SLC10A7: variants seen among roughly 807,000 people sequenced by gnomAD.
SLC10A7 encodes the protein solute carrier family 10 member 7.
A neutral mutation model predicts 43.2 loss-of-function variants in SLC10A7; 29 were observed. The ratio of observed to expected loss-of-function variants is 0.67; its 90% confidence interval spans 0.50 to 0.92. SLC10A7 has a LOEUF of 0.92. Ranked by LOEUF, SLC10A7 falls within the 40% of genes least tolerant of loss-of-function variation. SLC10A7 has a pLI of 0.00. For synonymous variants in SLC10A7, 152 were observed against 144.8 expected, an observed-to-expected ratio of 1.05 and a Z score of -0.35; for missense variants, 295 against 403.2, an observed-to-expected ratio of 0.73 and a Z score of 2.30.
At chr4:146,386,624 C>A (rs1738017392) in intron 5 of SLC10A7, among the ~76,000 whole-genome samples, 1 of 152,172 alleles carries the variant, frequency 6.6e-6, no homozygotes, top group Admixed American at 6.6e-5. Flanking sequence ...CTAATGAACT[C>A]TCAGCACTTT....
intron 7 of SLC10A7, among the ~76,000 whole-genome samples, chr4:146,301,686 A>T (rs1731170248): frequency 6.6e-6 from 1 of 152,114 alleles, no homozygotes; most frequent in Non-Finnish European, 1.5e-5. Flanking sequence ...TGAGGCAGAA[A>T]CGGTAGGATG....
At position 146,255,624 on chromosome 4, in the gene SLC10A7, G is replaced by A. The variant is rs1325936046; in HGVS notation, c.*867C>T. 6.6e-6 allele frequency: 1 copy of A among 152,228 alleles called. No homozygotes were observed. The highest frequency in any genetic ancestry group is 2.4e-5 in the African/African-American group (1 of 41,438). 9.4% of individuals were successfully genotyped at this position (152,228 alleles called of 1,614,324 possible). ...CGTAATAGGAAAAAAATTTGGTCTG[G>A]GTTGTGGAATGTGAATAGAATCTAC... On this transcript the variant is annotated 3_prime_UTR_variant, in exon 12 of 12. Coordinates refer to ENST00000335472, the MANE Select transcript of SLC10A7 (RefSeq NM_001029998.6).
In SLC10A7 at chr4:146,342,779, G is replaced by A. The variant is rs546347646; in HGVS notation, c.436-16783C>T. On this transcript the variant is annotated intron_variant, in intron 5 of 11. Transcript: ENST00000335472. ...AAAATATTATGCAAAATAAAATACA[G>A]GGCACTAGGTGGTGCTGTGGGACCT... is the stretch of plus-strand genomic sequence containing the variant. Among the ~76,000 whole-genome samples the A allele has an allele frequency of 2.7e-3, 407 of 151,752 alleles. 1 individual carries two copies. The highest frequency in any genetic ancestry group is 9.2e-3 in the African/African-American group (381 of 41,458).
chr4:146,328,916 T>C (rs1733344852), intron 5 of SLC10A7, among the ~76,000 whole-genome samples: 1 of 152,138 alleles, frequency 6.6e-6, no homozygotes, highest in Non-Finnish European at 1.5e-5. Flanking sequence ...CAAGAAAACA[T>C]GACACCTTCA....
chr4:146,359,464 G>C (rs1735893146), intron 5 of SLC10A7, among the ~76,000 whole-genome samples: 5 of 151,658 alleles, frequency 3.3e-5, no homozygotes, highest in Admixed American at 2.6e-4. Flanking sequence ...TTTTTTTCTA[G>C]TGTACTGAAT....
chr4:146,468,453 T>C (rs1733246732), intron 4 of SLC10A7, among the ~76,000 whole-genome samples: 1 of 148,380 alleles, frequency 6.7e-6, no homozygotes, highest in Admixed American at 7.0e-5. Context: ...ATTTATTTAT[T>C]TATTCTAACT....
chr4:146,491,779 CAG>C (rs1735466390), intron 4 of SLC10A7, among the ~76,000 whole-genome samples: 1 of 151,628 alleles, frequency 6.6e-6, no homozygotes, highest in Non-Finnish European at 1.5e-5. Context: ...CCTGCAAGGC[CAG>C]TATCTTGGCA....
intron 6 of SLC10A7, among the ~76,000 whole-genome samples, chr4:146,324,204 C>T (rs1302536007): frequency 6.6e-6 from 1 of 152,172 alleles, no homozygotes; most frequent in Non-Finnish European, 1.5e-5. Context: ...ACATTCCATG[C>T]TCATGGATAG....
chr4:146,449,301 G>A (rs1731370602), intron 4 of SLC10A7, among the ~76,000 whole-genome samples: 1 of 152,140 alleles, frequency 6.6e-6, no homozygotes, highest in African/African-American at 2.4e-5. Flanking sequence ...GAGACAGTAA[G>A]CAGTTGGACA....
At chr4:146,296,482 G>T (rs1361411026) in intron 7 of SLC10A7, among the ~76,000 whole-genome samples, 1 of 152,038 alleles carries the variant, frequency 6.6e-6, no homozygotes, top group Non-Finnish European at 1.5e-5. Context: ...GGTCTCCCAG[G>T]TCCACAATCC....
chr4:146,386,426 C>T (rs1738001414), intron 5 of SLC10A7, among the ~76,000 whole-genome samples: 1 of 152,174 alleles, frequency 6.6e-6, no homozygotes, highest in Non-Finnish European at 1.5e-5. Context: ...TACCTGCACT[C>T]ACCAATTACC....
intron 6 of SLC10A7, 148 bp downstream of exon 6, chr4:146,325,813 T>C: frequency 1.4e-6 from 1 of 718,756 alleles, no homozygotes; most frequent in South Asian, 1.8e-5. Context: ...CGTATCTGAA[T>C]ATTATTATGC....
At chr4:146,489,133 G>A (rs967069244) in intron 4 of SLC10A7, among the ~76,000 whole-genome samples, 2 of 152,214 alleles carry the variant, frequency 1.3e-5, no homozygotes, top group Non-Finnish European at 2.9e-5. Context: ...AAAGCTTCCT[G>A]AAAGGAGGCT....
intron 5 of SLC10A7, among the ~76,000 whole-genome samples, chr4:146,376,658 T>C (rs1277230998): frequency 6.6e-6 from 1 of 152,172 alleles, no homozygotes; most frequent in Non-Finnish European, 1.5e-5. Context: ...TTGTTTGAAA[T>C]GCTTGTTCCC....
intron 2 of SLC10A7, among the ~76,000 whole-genome samples, chr4:146,511,076 T>A (rs1025835687): frequency 1.3e-5 from 2 of 152,184 alleles, no homozygotes; most frequent in African/African-American, 4.8e-5. Context: ...AGTTGAGGGC[T>A]ACTATATGGT....
chr4:146,502,079 T>A (rs979141584), intron 4 of SLC10A7, among the ~76,000 whole-genome samples: 3 of 152,130 alleles, frequency 2.0e-5, no homozygotes, highest in Non-Finnish European at 4.4e-5. Context: ...CCCAATTTTT[T>A]AAAAAATGAG....
intron 4 of SLC10A7, among the ~76,000 whole-genome samples, chr4:146,498,689 T>C (rs1243612942): frequency 1.3e-5 from 2 of 152,246 alleles, no homozygotes; most frequent in Non-Finnish European, 2.9e-5. Context: ...ATCATTTGTT[T>C]ACCTGAGAAA....
chr4:146,521,042 C>A (rs1738584889), intron 1 of SLC10A7, among the ~76,000 whole-genome samples: 1 of 152,036 alleles, frequency 6.6e-6, no homozygotes, highest in Admixed American at 6.6e-5. Flanking sequence ...CGGCAGCACA[C>A]GGAAGTATGC....
rs547092888 is a variant in SLC10A7 at position 146,511,160 on chromosome 4, A to G, written c.184-1111T>C. On this transcript the variant is annotated intron_variant, in intron 2 of 11. Coordinates refer to ENST00000335472, the MANE Select transcript of SLC10A7 (RefSeq NM_001029998.6). Reference sequence around the variant, plus strand: ...TCTCCCACTGCTGCCCCAAGAGGGGAAAAAAAAATGCACATTAAACATAAG... The same window carrying G: ...TCTCCCACTGCTGCCCCAAGAGGGGGAAAAAAAATGCACATTAAACATAAG... Among the ~76,000 whole-genome samples the G allele has an allele frequency of 1.5e-4, 23 of 151,416 alleles. No homozygotes were observed. In the East Asian group the frequency reaches 2.3e-3, roughly 15 times the overall value.
Sources: gnomAD v4.1 joint callset for allele counts (sites outside exome capture counted in the v4.1 genomes callset) on GRCh38, gnomAD v4.1.1 for gene constraint, MANE v1.5 for transcripts, NCBI Gene and HGNC (gene_info 2026-07-23, HGNC 2026-07-21) for gene names.